The following POLR2D variants were observed in gnomAD, a reference collection of about 807,000 sequenced individuals.
POLR2D encodes DNA-directed RNA polymerase II subunit RPB4.
A neutral mutation model predicts 17.6 loss-of-function variants in POLR2D; 10 were observed. The ratio of observed to expected loss-of-function variants is 0.57; its 90% CI spans 0.35 to 0.96. The LOEUF (loss-of-function observed/expected upper bound fraction) is 0.96, where lower values mean the gene tolerates loss of function less well. Ranked by LOEUF, POLR2D falls within the 40% of genes least tolerant of loss-of-function variation. The pLI is 0.02. For synonymous variants in POLR2D, 52 were observed against 60.2 expected, an observed-to-expected ratio of 0.86 and a Z score of 0.63; for missense variants, 126 against 176.4, an observed-to-expected ratio of 0.71 and a Z score of 1.62.
Position 127,858,040 on chromosome 2 carries a change from T to C in POLR2D, c.61A>G (p.Ile21Val). 6.3e-7 allele frequency: 1 copy of C among 1,578,412 alleles called. No homozygotes were observed. The highest frequency in any genetic ancestry group is 8.6e-7 in the Non-Finnish European group (1 of 1,165,198). Reference sequence around the variant, plus strand: ...CCCCGAGCCCAACCTTTAGGAAAGATGAGCTGTGAGGCGTCCTCCTCTACG... The same window carrying C: ...CCCCGAGCCCAACCTTTAGGAAAGACGAGCTGTGAGGCGTCCTCCTCTACG... ...GDVEEDASQLIFPKEFETAET... is the reference protein window; with the variant it reads ...GDVEEDASQLVFPKEFETAET... The change falls in exon 1 of 4, where the codon ATC (isoleucine) becomes GTC (valine). Residue 21 changes from isoleucine (I) to valine (V), a missense_variant. Physicochemically the swap from Ile to Val is conservative, Grantham distance 29 (BLOSUM62 3). Coordinates refer to ENST00000272645, the MANE Select transcript of POLR2D (RefSeq NM_004805.4).
chr2:127,852,125 A>C lies in POLR2D; in HGVS notation c.254+800T>G, dbSNP rs1690262403. On this transcript the variant is annotated intron_variant, in intron 2 of 3. Transcript: ENST00000272645. This position sits in a 1 kb window ranked among gnomAD's most constrained non-coding sequence, Gnocchi z 4.0. ...TTTGGGGGGCTAAGGTTGGAGGATC[A>C]ATTGAGGCCAGGAGTTTGAGACCAG... Among the ~76,000 whole-genome samples, 1 of 152,178 alleles carries C rather than the reference A, an allele frequency of 6.6e-6. No individual in the cohort carries two copies. Among genetic ancestry groups the C allele is most frequent in the Admixed American group, 6.5e-5 (1 of 15,274 alleles).
chr2:127,847,106 A>C lies in POLR2D; in HGVS notation c.*1001T>G, dbSNP rs1276066894. 6.6e-6 allele frequency: 1 copy of C among 152,556 alleles called. No individual in the cohort carries two copies. Among genetic ancestry groups the C allele is most frequent in the Non-Finnish European group, 1.5e-5 (1 of 68,050 alleles). 9.5% of individuals were successfully genotyped at this position (152,556 alleles called of 1,614,324 possible). On this transcript the variant is annotated 3_prime_UTR_variant, in exon 4 of 4. Coordinates refer to ENST00000272645, the MANE Select transcript of POLR2D (RefSeq NM_004805.4). The stretch of plus-strand genomic sequence containing the variant: ...TTATCTTGGAGGTGCAGGCCCAAGA[A>C]AGATGAAGTAAAAATCTTAATTTGA...
In POLR2D at chr2:127,844,803, G is replaced by GCCA. The variant is rs1239982327; in HGVS notation, c.*3301_*3303dup. 3.3e-5 allele frequency: 5 copies of GCCA among 152,164 alleles called. No homozygotes were observed. Among genetic ancestry groups the GCCA allele is most frequent in the Admixed American group, 3.3e-4 (5 of 15,272 alleles). 9.4% of individuals were successfully genotyped at this position (152,164 alleles called of 1,614,324 possible). The stretch of plus-strand genomic sequence containing the variant: ...CAAGTAGCTAGGATTACAGGTGCCC[G>GCCA]CCACCACACGTGGCCAATTTTTGTA... On this transcript the variant is annotated 3_prime_UTR_variant, in exon 4 of 4. Transcript: ENST00000272645.
chr2:127,845,984 G>C lies in POLR2D; in HGVS notation c.*2123C>G, dbSNP rs1350783434. 1.3e-5 allele frequency: 2 copies of C among 152,256 alleles called. No individual in the cohort carries two copies. The highest frequency in any genetic ancestry group is 2.9e-5 in the Non-Finnish European group (2 of 68,094). The allele number at this position is 152,256 out of a possible 1,614,324, so 9.4% of individuals were successfully genotyped here. A position where few individuals can be genotyped will look rare whatever the true frequency, so the allele number is the denominator to read the frequency against. On this transcript the variant is annotated 3_prime_UTR_variant, in exon 4 of 4. Coordinates refer to ENST00000272645, the MANE Select transcript of POLR2D (RefSeq NM_004805.4). ...TGCTCAAGGATAAAAAGATTGGCCG[G>C]TGGCTCACGCCTGTAATCCCAGCAC...
At chr2:127,848,407 G>GT (rs756504639) in intron 3 of POLR2D, among the ~76,000 whole-genome samples, 196 of 146,942 alleles carry the variant, frequency 1.3e-3, no homozygotes, top group Non-Finnish European at 1.7e-3. Context: ...TGACTTAGAG[G>GT]TTTTTTTTTT....
rs1690271592 is a variant in POLR2D, at chr2:127,852,709, G to A, written c.254+216C>T. On this transcript the variant is annotated intron_variant, in intron 2 of 3. Coordinates refer to ENST00000272645, the MANE Select transcript of POLR2D (RefSeq NM_004805.4). The surrounding 1 kb of genome is among the most constrained non-coding windows in gnomAD (Gnocchi z 4.0). ...AATTTTTTGCATTTTTAGCAGAGAC[G>A]GGTTTTTGCTATATCGACCAGGCTG... Among the ~76,000 whole-genome samples, 2 of 152,028 alleles carry A rather than the reference G, an allele frequency of 1.3e-5. No homozygotes were observed. Among genetic ancestry groups the A allele is most frequent in the South Asian group, 4.1e-4 (2 of 4,824 alleles).
At chr2:127,854,221 T>C (rs975264603) in intron 1 of POLR2D, among the ~76,000 whole-genome samples, 1 of 152,228 alleles carries the variant, frequency 6.6e-6, no homozygotes, top group Non-Finnish European at 1.5e-5. Context: ...GGCGACCTTC[T>C]ACATTTCTAC....
Position 127,847,260 on chromosome 2 carries a change from C to T in POLR2D, c.*847G>A, listed in dbSNP as rs1053487722. ...GCTCCACAATACTTAGCACTTGTCCCCAAGTGTAAACACTTCCCATGGCGT... is the reference window on the plus strand; with the variant it reads ...GCTCCACAATACTTAGCACTTGTCCTCAAGTGTAAACACTTCCCATGGCGT... On this transcript the variant is annotated 3_prime_UTR_variant, in exon 4 of 4. Coordinates refer to ENST00000272645, the MANE Select transcript of POLR2D (RefSeq NM_004805.4). The T allele has an allele frequency of 1.6e-4, 25 of 152,184 alleles. No homozygotes were observed. The highest frequency in any genetic ancestry group is 6.0e-4 in the African/African-American group (25 of 41,418). 9.4% of individuals were successfully genotyped at this position (152,184 alleles called of 1,614,324 possible).
Position 127,846,589 on chromosome 2 carries a change from C to A in POLR2D, c.*1518G>T, listed in dbSNP as rs1377923065. 3.9e-5 allele frequency: 6 copies of A among 152,026 alleles called. No individual in the cohort carries two copies. Among genetic ancestry groups the A allele is most frequent in the Non-Finnish European group, 7.4e-5 (5 of 68,020 alleles). 9.4% of individuals were successfully genotyped at this position (152,026 alleles called of 1,614,324 possible). On this transcript the variant is annotated 3_prime_UTR_variant, in exon 4 of 4. Coordinates refer to ENST00000272645, the MANE Select transcript of POLR2D (RefSeq NM_004805.4). ...AGCAGGCCAGAGGCTTAGACTGGAT[C>A]TCTCATAATTGGAGACTTCAAAGTG...
At position 127,850,440 on chromosome 2, in the gene POLR2D, CAAAAAAAAAAAAAAAA is replaced by C. The variant is rs60975701; in HGVS notation, c.350+134_350+149del. 4.6e-5 allele frequency: 5 copies of C among 108,470 alleles called. No homozygotes were observed. The East Asian group carries it at 6.3e-4, about 14-fold the overall frequency. 6.7% of individuals were successfully genotyped at this position (108,470 alleles called of 1,614,324 possible). A position where few individuals can be genotyped will look rare whatever the true frequency, so the allele number is the denominator to read the frequency against. The stretch of plus-strand genomic sequence containing the variant: ...GGGCAACAAGAGCGAAACTCCGTCT[CAAAAAAAAAAAAAAAA>C]AAAAAAAAGGCACTTTCATTCAATA... On this transcript the variant is annotated intron_variant, in intron 3 of 3. Coordinates refer to ENST00000272645, the MANE Select transcript of POLR2D (RefSeq NM_004805.4).
chr2:127,853,165 T>G (rs1160164213), intron 1 of POLR2D, 60 bp from the exon 2 acceptor site: 2 of 1,322,094 alleles, frequency 1.5e-6, no homozygotes, highest in Non-Finnish European at 2.1e-6. Flanking sequence ...TGCTTCTAAA[T>G]GTTCACTGTG....
Position 127,858,079 on chromosome 2 carries a change from G to A in POLR2D, c.22C>T (p.Pro8Ser), listed in dbSNP as rs535057159. 4 of 1,536,940 alleles carry A rather than the reference G, an allele frequency of 2.6e-6. No individual in the cohort carries two copies. The highest frequency in any genetic ancestry group is 2.7e-5 in the East Asian group (1 of 37,126). ...TCCTCCTCTACGTCGCCAGCCCGCG[G>A]ATCGCTGCCACCCGCCGCCATCGCC... MAAGGSD[P>S]RAGDVEEDAS... The change falls in exon 1 of 4, where the codon CCG becomes TCG. Residue 8 changes from proline to serine, a missense_variant. Physicochemically the swap from Pro to Ser is moderately conservative, Grantham distance 74. Coordinates refer to ENST00000272645, the MANE Select transcript of POLR2D (RefSeq NM_004805.4).
At position 127,845,709 on chromosome 2, in the gene POLR2D, G is replaced by C. The variant is rs1690143036; in HGVS notation, c.*2398C>G. 1 of 152,164 alleles carries C rather than the reference G, an allele frequency of 6.6e-6. No homozygotes were observed. Among genetic ancestry groups the C allele is most frequent in the Admixed American group, 6.5e-5 (1 of 15,272 alleles). 9.4% of individuals were successfully genotyped at this position (152,164 alleles called of 1,614,324 possible). On this transcript the variant is annotated 3_prime_UTR_variant, in exon 4 of 4. Coordinates refer to ENST00000272645, the MANE Select transcript of POLR2D (RefSeq NM_004805.4). ...TTATTTTCCAAGTCTGATACTATCA[G>C]TTGGTAGGCTAACAAATTCTTGCAC...
chr2:127,851,464 A>G (rs537150549), intron 2 of POLR2D, among the ~76,000 whole-genome samples: 1 of 152,238 alleles, frequency 6.6e-6, no homozygotes, highest in East Asian at 1.9e-4. Flanking sequence ...GGCCAGGCTT[A>G]GCAGCTCATG....
rs974795207 is a variant in POLR2D at position 127,845,404 on chromosome 2, T to C, written c.*2703A>G. On this transcript the variant is annotated 3_prime_UTR_variant, in exon 4 of 4. Transcript: ENST00000272645. ...TTTTTTTTTTTTTTTTGAGACAGTT[T>C]CGCTCTTGTTGCCTAGGCTGGAGTA... The C allele has an allele frequency of 3.7e-5, 5 of 134,338 alleles. No individual in the cohort carries two copies. Among genetic ancestry groups the C allele is most frequent in the Admixed American group, 7.4e-5 (1 of 13,436 alleles). The allele number at this position is 134,338 out of a possible 1,614,324, so 8.3% of individuals were successfully genotyped here.
intron 1 of POLR2D, among the ~76,000 whole-genome samples, chr2:127,855,550 A>G (rs967693451): frequency 3.3e-5 from 5 of 152,192 alleles, no homozygotes; most frequent in African/African-American, 1.2e-4. Context: ...CTACTAATAC[A>G]TTACCCTCAC....
In POLR2D at chr2:127,850,572, A is replaced by T. The variant is rs1378893286; in HGVS notation, c.350+18T>A. Reference sequence around the variant, plus strand: ...AATTTATCCAGTATACAGAGAACTTATCACAACTGGTACTAACCTTGGGAT... The same window carrying T: ...AATTTATCCAGTATACAGAGAACTTTTCACAACTGGTACTAACCTTGGGAT... On this transcript the variant is annotated intron_variant, in intron 3 of 3. Coordinates refer to ENST00000272645, the MANE Select transcript of POLR2D (RefSeq NM_004805.4). The T allele has an allele frequency of 8.3e-7, 1 of 1,201,548 alleles. No homozygotes were observed. Among genetic ancestry groups the T allele is most frequent in the Non-Finnish European group, 1.2e-6 (1 of 826,894 alleles). The allele number at this position is 1,201,548 out of a possible 1,614,324, so 74.4% of individuals were successfully genotyped here.
intron 1 of POLR2D, among the ~76,000 whole-genome samples, chr2:127,854,136 C>A (rs1486409038): frequency 6.6e-6 from 1 of 152,148 alleles, no homozygotes; most frequent in Non-Finnish European, 1.5e-5. Context: ...TTTGTGCACA[C>A]ACAAATGTTA....
At chr2:127,854,560 C>T (rs996635639) in intron 1 of POLR2D, among the ~76,000 whole-genome samples, 2 of 152,198 alleles carry the variant, frequency 1.3e-5, no homozygotes, top group Non-Finnish European at 2.9e-5. Flanking sequence ...AGCCAGGTAA[C>T]TGACAAGAGC....
Sources: gnomAD v4.1 joint callset for allele counts (sites outside exome capture counted in the v4.1 genomes callset) on GRCh38, gnomAD v4.1.1 for gene constraint, Gnocchi (gnomAD v3.1) non-coding constraint, MANE v1.5 for transcripts, NCBI Gene and HGNC (gene_info 2026-07-23, HGNC 2026-07-21) for gene names.